The following HPSE variants were observed in gnomAD, a reference collection of about 807,000 sequenced individuals.
HPSE encodes endo-glucoronidase.
A neutral mutation model predicts 65.1 loss-of-function variants in HPSE; 48 were observed. That is an observed-to-expected ratio of 0.74 (90% CI 0.58 to 0.94). HPSE has a LOEUF of 0.94. Among genes scored for constraint, HPSE ranks in the 40% least tolerant of loss-of-function variants. The pLI is 0.00. For missense variants in HPSE, 644 were observed against 637.5 expected, an observed-to-expected ratio of 1.01 and a Z score of -0.11; for synonymous variants, 243 against 260.0, an observed-to-expected ratio of 0.93 and a Z score of 0.63.
intron 1 of HPSE, 73 bp from the exon 2 acceptor site, chr4:83,322,437 C>T (rs185530710): frequency 8.0e-7 from 1 of 1,256,752 alleles, no homozygotes; most frequent in Non-Finnish European, 1.1e-6. Context: ...TTACTTCCTT[C>T]TTTCCTGGTG....
At chr4:83,314,843 C>T (rs1736564449) in intron 3 of HPSE, among the ~76,000 whole-genome samples, 1 of 152,074 alleles carries the variant, frequency 6.6e-6, no homozygotes, top group Non-Finnish European at 1.5e-5. Flanking sequence ...ACTTGAATAA[C>T]TATAGAATAA....
intron 1 of HPSE, among the ~76,000 whole-genome samples, chr4:83,328,037 AC>A (rs1002139314): frequency 5.3e-5 from 8 of 151,938 alleles, no homozygotes; most frequent in African/African-American, 1.9e-4. Flanking sequence ...GTTAGAAAAC[AC>A]CCCCCAACAA....
At chr4:83,319,590 G>C in intron 2 of HPSE, 121 bp from the exon 3 acceptor site, 5 of 989,174 alleles carry the variant, frequency 5.1e-6, no homozygotes, top group Non-Finnish European at 7.4e-6. Context: ...CTGGTTATGA[G>C]GTAGGAGAGC....
intron 8 of HPSE, among the ~76,000 whole-genome samples, chr4:83,308,200 G>A (rs1227420736): frequency 1.1e-4 from 17 of 151,912 alleles, no homozygotes; most frequent in Non-Finnish European, 1.6e-4. Context: ...TTGAGCTCAC[G>A]GGTTTCAGAC....
intron 1 of HPSE, among the ~76,000 whole-genome samples, chr4:83,331,043 A>T (rs928146753): frequency 3.3e-5 from 5 of 152,162 alleles, no homozygotes; most frequent in Non-Finnish European, 5.9e-5. Flanking sequence ...TGTCTCTACT[A>T]AAAATACACA....
At chr4:83,297,927 G>C (rs1462146209) in intron 11 of HPSE, among the ~76,000 whole-genome samples, 1 of 152,214 alleles carries the variant, frequency 6.6e-6, no homozygotes, top group Admixed American at 6.5e-5. Flanking sequence ...AAAAGTTTTA[G>C]ATATGCTTTT....
chr4:83,310,267 C>T (rs1560508138), intron 5 of HPSE, among the ~76,000 whole-genome samples, 189 bp from the exon 6 acceptor site: 1 of 152,086 alleles, frequency 6.6e-6, no homozygotes, highest in East Asian at 1.9e-4. Context: ...ATTCTGAACC[C>T]GTCAAAATTT....
intron 2 of HPSE, among the ~76,000 whole-genome samples, chr4:83,321,573 A>T (rs1001330369): frequency 6.6e-6 from 1 of 152,068 alleles, no homozygotes; most frequent in Admixed American, 6.6e-5. Flanking sequence ...CAGCCTCCCA[A>T]AGTGTTGGGA....
At chr4:83,330,980 A>C (rs1737342271) in intron 1 of HPSE, among the ~76,000 whole-genome samples, 1 of 152,190 alleles carries the variant, frequency 6.6e-6, no homozygotes, top group Non-Finnish European at 1.5e-5. Context: ...CGAGGTGGGC[A>C]TATCACCTGA....
chr4:83,311,461 C>A (rs1411558638), intron 4 of HPSE, among the ~76,000 whole-genome samples: 2 of 151,890 alleles, frequency 1.3e-5, no homozygotes, highest in Non-Finnish European at 2.9e-5. Context: ...ATATGGATAT[C>A]TGGGAACTAG....
intron 3 of HPSE, 67 bp downstream of exon 3, chr4:83,319,277 G>C: frequency 1.3e-6 from 2 of 1,505,700 alleles, no homozygotes; most frequent in East Asian, 2.3e-5. Flanking sequence ...CTAGATTGGT[G>C]CCCGAGTCCA....
chr4:83,323,346 G>A (rs1267938844), intron 1 of HPSE, among the ~76,000 whole-genome samples: 1 of 152,182 alleles, frequency 6.6e-6, no homozygotes, highest in African/African-American at 2.4e-5. Flanking sequence ...ATGTGTCAGT[G>A]TAGGTTCATC....
chr4:83,328,145 G>A (rs183048969), intron 1 of HPSE, among the ~76,000 whole-genome samples: 35 of 152,338 alleles, frequency 2.3e-4, no homozygotes, highest in African/African-American at 8.4e-4. Flanking sequence ...GGCTGCAGTC[G>A]CAGAGTACTG....
chr4:83,303,584 C>G (rs1041979436), intron 9 of HPSE, among the ~76,000 whole-genome samples: 1 of 152,216 alleles, frequency 6.6e-6, no homozygotes, highest in Non-Finnish European at 1.5e-5. Context: ...TGGTCTTACT[C>G]TGTCACCCAG....
intron 2 of HPSE, among the ~76,000 whole-genome samples, chr4:83,321,987 CTTTT>C (rs36002405): frequency 9.7e-5 from 9 of 92,558 alleles, no homozygotes; most frequent in Non-Finnish European, 1.3e-4. Context: ...TCCAGGACGC[CTTTT>C]TTTTTTTTTT....
chr4:83,305,857 A>T (rs954732068), intron 9 of HPSE, among the ~76,000 whole-genome samples: 15 of 152,212 alleles, frequency 9.9e-5, no homozygotes, highest in African/African-American at 3.1e-4. Context: ...AGCTTTGCGT[A>T]CTGTAGGCAA....
At chr4:83,299,795 C>A (rs776062823) in intron 11 of HPSE, among the ~76,000 whole-genome samples, 7 of 152,058 alleles carry the variant, frequency 4.6e-5, no homozygotes, top group Non-Finnish European at 8.8e-5. Flanking sequence ...CCATGACCCC[C>A]CTGGGCTCAA....
At chr4:83,324,567 G>A (rs1303602847) in intron 1 of HPSE, among the ~76,000 whole-genome samples, 1 of 152,120 alleles carries the variant, frequency 6.6e-6, no homozygotes, top group Non-Finnish European at 1.5e-5. Context: ...AATAAAGTGA[G>A]ATTTTAAAAT....
chr4:83,327,491 C>G (rs1431929263), intron 1 of HPSE, among the ~76,000 whole-genome samples: 1 of 151,734 alleles, frequency 6.6e-6, no homozygotes, highest in Non-Finnish European at 1.5e-5. Flanking sequence ...CAACCATATA[C>G]AAGAAAAATA....
Sources: gnomAD v4.1 joint callset for allele counts (sites outside exome capture counted in the v4.1 genomes callset) on GRCh38, gnomAD v4.1.1 for gene constraint, MANE v1.5 for transcripts, NCBI Gene and HGNC (gene_info 2026-07-23, HGNC 2026-07-21) for gene names.